TRAPPC9: variants seen among roughly 807,000 people sequenced by gnomAD.
The protein encoded by TRAPPC9 is trafficking protein particle complex subunit 9.
Under a neutral mutation model 124.0 loss-of-function variants are expected in TRAPPC9, and 83 were observed. The observed-to-expected ratio is 0.67, with a 90% CI of 0.56 to 0.80. The LOEUF (loss-of-function observed/expected upper bound fraction) is 0.80. Among genes scored for constraint, TRAPPC9 ranks in the 30% least tolerant of loss-of-function variants. The probability of loss-of-function intolerance (pLI) is 0.00; values close to 1 mark genes in which losing one functional copy is unlikely to be tolerated. For missense variants in TRAPPC9, 1,302 were observed against 1,508.3 expected, an observed-to-expected ratio of 0.86 and a Z score of 2.27; for synonymous variants, 638 against 617.5, an observed-to-expected ratio of 1.03 and a Z score of -0.49.
chr8:139,819,542 C>T (rs2130786276), intron 21 of TRAPPC9, among the ~76,000 whole-genome samples: 1 of 152,242 alleles, frequency 6.6e-6, no homozygotes, highest in South Asian at 2.1e-4. Flanking sequence ...CTCATCAGTG[C>T]ACAGAGGCGG....
intron 14 of TRAPPC9, among the ~76,000 whole-genome samples, chr8:140,277,693 C>G (rs2065168181): frequency 6.6e-6 from 1 of 152,206 alleles, no homozygotes; most frequent in Non-Finnish European, 1.5e-5. Context: ...GAGTCCTGAA[C>G]AGGCCATGGC....
chr8:140,147,120 C>T (rs531826237), intron 17 of TRAPPC9, among the ~76,000 whole-genome samples: 32 of 152,232 alleles, frequency 2.1e-4, no homozygotes, highest in African/African-American at 7.0e-4. Flanking sequence ...TTTACTCTAC[C>T]CTACAACATT....
chr8:139,845,910 C>T (rs570669168), intron 21 of TRAPPC9, among the ~76,000 whole-genome samples: 5 of 152,206 alleles, frequency 3.3e-5, no homozygotes, highest in South Asian at 2.1e-4. Flanking sequence ...CAGATGAGAC[C>T]GGAAAGCCAG....
intron 16 of TRAPPC9, among the ~76,000 whole-genome samples, chr8:140,250,292 T>G (rs1362411977): frequency 6.6e-6 from 1 of 152,238 alleles, no homozygotes; most frequent in African/African-American, 2.4e-5. Context: ...ATTAATTATC[T>G]TCCAGCTATC....
intron 17 of TRAPPC9, among the ~76,000 whole-genome samples, chr8:140,058,462 C>T (rs2132124527): frequency 6.6e-6 from 1 of 152,346 alleles, no homozygotes; most frequent in Middle Eastern, 3.4e-3. Flanking sequence ...CACTATTCAT[C>T]CCTTCAGCCT....
At position 140,252,673 on chromosome 8, in the gene TRAPPC9, T is replaced by C; in HGVS notation, c.2431+104A>G. ...GTCTCAGGCAGCTTGAGTTAATGAA[T>C]GACAAGTGAGTTACAAACAGCAAAC... On this transcript the variant is annotated intron_variant, in intron 16 of 22. Transcript: ENST00000438773. The surrounding 1 kb of genome is among the most constrained non-coding windows in gnomAD (Gnocchi z 4.2). 1.4e-6 allele frequency: 2 copies of C among 1,388,006 alleles called. No individual in the cohort carries two copies. Among genetic ancestry groups the C allele is most frequent in the Non-Finnish European group, 2.0e-6 (2 of 989,538 alleles). The allele number at this position is 1,388,006 out of a possible 1,614,324, so 86.0% of individuals were successfully genotyped here. A position where few individuals can be genotyped will look rare whatever the true frequency, so the allele number is the denominator to read the frequency against.
intron 20 of TRAPPC9, among the ~76,000 whole-genome samples, chr8:139,903,971 T>C (rs1005245559): frequency 5.3e-5 from 8 of 152,150 alleles, no homozygotes; most frequent in East Asian, 1.9e-4. Context: ...TCTGCAACCA[T>C]TGCACTCCAG....
At chr8:139,815,437 G>C (rs564247726) in intron 21 of TRAPPC9, among the ~76,000 whole-genome samples, 2 of 150,414 alleles carry the variant, frequency 1.3e-5, no homozygotes, top group African/African-American at 4.9e-5. Flanking sequence ...ACCCAGGCTG[G>C]AGTGCAGTGG....
chr8:139,777,194 T>C (rs1821452726), intron 21 of TRAPPC9, among the ~76,000 whole-genome samples: 1 of 152,240 alleles, frequency 6.6e-6, no homozygotes, highest in Non-Finnish European at 1.5e-5. Context: ...TTTCAGCATT[T>C]AGCAGGAAGT....
intron 17 of TRAPPC9, among the ~76,000 whole-genome samples, chr8:140,150,785 G>A (rs992538111): frequency 3.3e-5 from 5 of 151,806 alleles, no homozygotes; most frequent in African/African-American, 7.3e-5. Flanking sequence ...GAGGCAAGAG[G>A]AGGAAGACCC....
rs529898311 is a variant in TRAPPC9 at position 140,119,114 on chromosome 8, G to C, written c.2557-95035C>G. 2.0e-5 allele frequency among the ~76,000 whole-genome samples: 3 copies of C among 152,328 alleles called. No individual in the cohort carries two copies. The South Asian group carries it at 6.2e-4, about 32-fold the overall frequency. The stretch of plus-strand genomic sequence containing the variant: ...CACAACAGTGTCACAGCAAGATAAG[G>C]CAAGGAGAAAAGAGGAGCAGAAAGC... On this transcript the variant is annotated intron_variant, in intron 17 of 22. Coordinates refer to ENST00000438773, the MANE Select transcript of TRAPPC9 (RefSeq NM_001160372.4).
At chr8:139,897,535 G>A (rs1830740714) in intron 20 of TRAPPC9, among the ~76,000 whole-genome samples, 2 of 152,330 alleles carry the variant, frequency 1.3e-5, no homozygotes, top group South Asian at 2.1e-4. Context: ...ACCGCCACAT[G>A]GTAGAGGCTC....
intron 13 of TRAPPC9, among the ~76,000 whole-genome samples, 200 bp from the exon 14 acceptor site, chr8:140,284,221 C>T (rs1306728670): frequency 3.3e-5 from 5 of 152,228 alleles, no homozygotes; most frequent in African/African-American, 1.2e-4. Context: ...GGGAGGATAA[C>T]AGCATCTGCA....
chr8:140,119,686 G>A (rs765346887), intron 17 of TRAPPC9, among the ~76,000 whole-genome samples: 7 of 152,208 alleles, frequency 4.6e-5, no homozygotes, highest in Non-Finnish European at 1.0e-4. Context: ...AAGAGGTCAC[G>A]CAATATTTTC....
chr8:140,157,263 A>G lies in TRAPPC9; in HGVS notation c.2556+64196T>C, dbSNP rs868618598. Among the ~76,000 whole-genome samples, 83 of 15,564 alleles carry G rather than the reference A, an allele frequency of 5.3e-3. 4 individuals are homozygous for G. In the East Asian group the frequency reaches 0.056, roughly 10 times the overall value. The allele number at this position is 15,564 out of a possible 152,430, so 10.2% of individuals were successfully genotyped here. A position where few individuals can be genotyped will look rare whatever the true frequency, so the allele number is the denominator to read the frequency against. On this transcript the variant is annotated intron_variant, in intron 17 of 22. Transcript: ENST00000438773. ...TTCAAAAGCCTCCCTTTTCCATTCA[A>G]AAGCCTCCCTTTTCCATTCAAAAGC...
chr8:140,435,408 C>T (rs1277946788), intron 3 of TRAPPC9, among the ~76,000 whole-genome samples, 168 bp from the exon 4 acceptor site: 2 of 152,154 alleles, frequency 1.3e-5, no homozygotes, highest in African/African-American at 4.8e-5. Context: ...AAAGATCAAA[C>T]CTAAAGATCA....
chr8:140,205,165 C>T (rs2062892015), intron 17 of TRAPPC9, among the ~76,000 whole-genome samples: 1 of 152,194 alleles, frequency 6.6e-6, no homozygotes, highest in Non-Finnish European at 1.5e-5. Flanking sequence ...ATAACTTATG[C>T]TGCCTAGAAA....
chr8:140,304,188 G>C (rs1403830526), intron 10 of TRAPPC9, among the ~76,000 whole-genome samples: 1 of 150,888 alleles, frequency 6.6e-6, no homozygotes, highest in Non-Finnish European at 1.5e-5. Flanking sequence ...TCCACCTTCT[G>C]GGTTCCAGTG....
chr8:140,293,663 A>G (rs905033478), intron 11 of TRAPPC9, among the ~76,000 whole-genome samples: 1 of 152,048 alleles, frequency 6.6e-6, no homozygotes, highest in East Asian at 1.9e-4. Flanking sequence ...GGAATTGAAC[A>G]ATGAGAACAC....
Sources: gnomAD v4.1 joint callset for allele counts (sites outside exome capture counted in the v4.1 genomes callset) on GRCh38, gnomAD v4.1.1 for gene constraint, Gnocchi (gnomAD v3.1) non-coding constraint, MANE v1.5 for transcripts, NCBI Gene and HGNC (gene_info 2026-07-23, HGNC 2026-07-21) for gene names.